Variants in COL22A1 observed in about 807,000 individuals in gnomAD.
The protein encoded by COL22A1 is collagen alpha-1(XXII) chain.
Under a neutral mutation model 248.9 loss-of-function variants are expected in COL22A1, and 221 were observed. The observed-to-expected ratio is 0.89, with a 90% confidence interval of 0.80 to 0.99. The LOEUF is 0.99. Ranked by LOEUF, COL22A1 falls within the 50% of genes least tolerant of loss-of-function variation. The pLI is 0.00. For synonymous variants in COL22A1, 891 were observed against 793.4 expected (o/e 1.12, Z -2.07); for missense variants, 2,240 against 2,179.0 (o/e 1.03, Z -0.56).
intron 10 of COL22A1, 74 bp from the exon 11 acceptor site, chr8:138,803,008 C>A: frequency 8.5e-7 from 1 of 1,179,570 alleles, no homozygotes; most frequent in Non-Finnish European, 1.3e-6. Flanking sequence ...AGGACCCTCA[C>A]GGCCAACCTT....
intron 60 of COL22A1, among the ~76,000 whole-genome samples, chr8:138,601,355 C>A (rs943812944): frequency 6.6e-6 from 1 of 152,088 alleles, no homozygotes; most frequent in African/African-American, 2.4e-5. Flanking sequence ...GTGGGAGAAG[C>A]CAGCCGGCTC....
intron 23 of COL22A1, among the ~76,000 whole-genome samples, chr8:138,735,304 A>G (rs1216559713): frequency 6.6e-6 from 1 of 152,180 alleles, no homozygotes; most frequent in African/African-American, 2.4e-5. Flanking sequence ...ACATACTGCA[A>G]ATGCTATATT....
At chr8:138,829,586 G>T (rs1159371062) in intron 5 of COL22A1, among the ~76,000 whole-genome samples, 2 of 151,588 alleles carry the variant, frequency 1.3e-5, no homozygotes, top group African/African-American at 2.4e-5. Context: ...TCTGTTTTTA[G>T]TAGACAGGGT....
chr8:138,899,011 G>A (rs1814338323), intron 1 of COL22A1, among the ~76,000 whole-genome samples: 1 of 152,126 alleles, frequency 6.6e-6, no homozygotes, highest in African/African-American at 2.4e-5. Context: ...TCTAGGTACA[G>A]CTTCAGCCAC....
Position 138,715,740 on chromosome 8 carries a change from A to G in COL22A1, c.2464-5T>C, listed in dbSNP as rs1280475971. 2 of 1,604,346 alleles carry G rather than the reference A, an allele frequency of 1.2e-6. No individual in the cohort carries two copies. The highest frequency in any genetic ancestry group is 1.7e-4 in the Middle Eastern group (1 of 6,036). ...TCCCAGTTCACCTTTTTCTCCCTAT[A>G]ATAAAAGATAAAATTAGAAAACATT... On this transcript the variant is annotated splice_polypyrimidine_tract_variant and splice_region_variant and intron_variant, in intron 29 of 64. Transcript: ENST00000303045.
In COL22A1 at chr8:138,623,771, T is replaced by C. The variant is rs371500328; in HGVS notation, c.3732A>G (p.Lys1244=). Residue 1244 remains lysine, a synonymous_variant, in exon 52 of 65, where the codon AAA becomes AAG. Transcript: ENST00000303045. ...GLPGIPGEEG[K]EGRDGKPGPP... ...GACCCGGCTTTCCATCTCTGCCCTC[T>C]TTGCCTTCTTCTCCCTGCAAGAGAA... is the stretch of plus-strand genomic sequence containing the variant. 7 of 1,612,762 alleles carry C rather than the reference T, an allele frequency of 4.3e-6. No homozygotes were observed. In the African/African-American group the frequency reaches 9.3e-5, roughly 22 times the overall value.
At chr8:138,813,143 C>T in intron 7 of COL22A1, 124 bp from the exon 8 acceptor site, 2 of 722,894 alleles carry the variant, frequency 2.8e-6, no homozygotes, top group Non-Finnish European at 4.9e-6. Context: ...CTTCCTGAGT[C>T]CACCCCAGGA....
chr8:138,634,827 CGTCTG>C (rs1821012483), intron 49 of COL22A1, among the ~76,000 whole-genome samples, 178 bp downstream of exon 49: 1 of 152,192 alleles, frequency 6.6e-6, no homozygotes, highest in South Asian at 2.1e-4. Flanking sequence ...TACTCCAGAC[CGTCTG>C]CACTTTCCCC....
chr8:138,882,560 A>T (rs1824303493), intron 2 of COL22A1, among the ~76,000 whole-genome samples: 1 of 17,754 alleles, frequency 5.6e-5, no homozygotes, highest in Non-Finnish European at 1.1e-4. Context: ...CCTCAAACTC[A>T]CACTCCCACA....
intron 45 of COL22A1, among the ~76,000 whole-genome samples, chr8:138,653,774 C>T (rs150047086): frequency 1.3e-5 from 2 of 152,250 alleles, no homozygotes; most frequent in Admixed American, 6.5e-5. Flanking sequence ...CTGCCACCAG[C>T]CACCTAGACT....
intron 3 of COL22A1, among the ~76,000 whole-genome samples, chr8:138,854,937 T>C (rs1821909728): frequency 6.6e-6 from 1 of 151,034 alleles, no homozygotes; most frequent in Non-Finnish European, 1.5e-5. Flanking sequence ...ATGGCAGTGG[T>C]GATGATGGTG....
chr8:138,643,222 T>C (rs1179468889), intron 47 of COL22A1, among the ~76,000 whole-genome samples: 6 of 152,178 alleles, frequency 3.9e-5, no homozygotes, highest in African/African-American at 1.4e-4. Context: ...TGCTACACTT[T>C]CCTGATACCT....
In COL22A1 at chr8:138,724,464, C is replaced by A. The variant is rs546701404; in HGVS notation, c.2247+151G>T. ...CGAGTGAGCCACCACAGAAAGAAGA[C>A]CCAGCTGAGCTCCGGGGCTGCAGGC... On this transcript the variant is annotated intron_variant, in intron 25 of 64. Coordinates refer to ENST00000303045, the MANE Select transcript of COL22A1 (RefSeq NM_152888.3). 4.9e-5 allele frequency: 35 copies of A among 712,784 alleles called. No individual in the cohort carries two copies. The African/African-American group carries it at 5.5e-4, about 11-fold the overall frequency. 44.2% of individuals were successfully genotyped at this position (712,784 alleles called of 1,614,324 possible).
chr8:138,676,407 GAAAGAA>G (rs1825515822), intron 41 of COL22A1, 145 bp downstream of exon 41: 2 of 389,844 alleles, frequency 5.1e-6, no homozygotes, highest in African/African-American at 6.3e-5. Context: ...AAAAAAAAAA[GAAAGAA>G]AAAGAAAGAA....
chr8:138,678,827 T>C (rs549353721), intron 40 of COL22A1, among the ~76,000 whole-genome samples: 14 of 152,106 alleles, frequency 9.2e-5, no homozygotes, highest in Non-Finnish European at 1.6e-4. Context: ...TTCTACCAAA[T>C]CCTCATGTAT....
chr8:138,673,505 G>A (rs1037755669), intron 41 of COL22A1, among the ~76,000 whole-genome samples: 25 of 152,104 alleles, frequency 1.6e-4, no homozygotes, highest in Admixed American at 1.1e-3. Flanking sequence ...CACCATGCCC[G>A]GCCCCAGCCG....
chr8:138,878,267 G>T lies in COL22A1; in HGVS notation c.141C>A (p.Ser47=). 6.3e-7 allele frequency: 1 copy of T among 1,582,878 alleles called. No individual in the cohort carries two copies. ...YDLVFLLDTS[S]SVGKEDFEKV... is the part of the protein sequence containing the mutation. ...TCTCAAAGTCCTCCTTGCCCACGCT[G>T]GAGGAGGTGTCCAGGAGGAAGACCA... Residue 47 remains serine (S), a synonymous_variant, in exon 3 of 65, where the codon TCC becomes TCA. Transcript: ENST00000303045.
intron 47 of COL22A1, among the ~76,000 whole-genome samples, chr8:138,640,415 A>G (rs866572621): frequency 2.0e-5 from 3 of 152,108 alleles, no homozygotes; most frequent in Non-Finnish European, 2.9e-5. Flanking sequence ...GTAACTCTCT[A>G]CGACTCTCAG....
chr8:138,690,417 G>A (rs1252455878), intron 36 of COL22A1, among the ~76,000 whole-genome samples: 2 of 152,156 alleles, frequency 1.3e-5, no homozygotes, highest in Admixed American at 1.3e-4. Flanking sequence ...TGAACTAGCC[G>A]AGACCTCAAG....
Sources: gnomAD v4.1 joint callset for allele counts (sites outside exome capture counted in the v4.1 genomes callset) on GRCh38, gnomAD v4.1.1 for gene constraint, MANE v1.5 for transcripts, NCBI Gene and HGNC (gene_info 2026-07-23, HGNC 2026-07-21) for gene names.